KCNMA1: variants seen among roughly 807,000 people sequenced by gnomAD.
The protein encoded by KCNMA1 is Calcium-activated potassium channel subunit alpha-1.
A neutral mutation model predicts 140.0 loss-of-function variants in KCNMA1; 29 were observed. The observed-to-expected ratio is 0.21, with a 90% CI of 0.15 to 0.28. The LOEUF (loss-of-function observed/expected upper bound fraction) is 0.28. Among genes scored for constraint, KCNMA1 ranks in the 10% least tolerant of loss-of-function variants. The probability of loss-of-function intolerance (pLI) is 1.00; values close to 1 mark genes in which losing one functional copy is unlikely to be tolerated. For synonymous variants in KCNMA1, 612 were observed against 611.9 expected (o/e 1.00, Z 0.00); for missense variants, 880 against 1,602.2 (o/e 0.55, Z 7.70).
chr10:76,944,825 G>A lies in KCNMA1; in HGVS notation c.2850C>T (p.Ile950=). The change falls in exon 23 of 28, where the codon ATC becomes ATT. Residue 950 remains isoleucine, a synonymous_variant. Transcript: ENST00000286628. ...DKECILASLN[I]KSMQFDDSIG... ...TGCTGTCATCAAACTGCATAGATTT[G>A]ATGTTGAGTGACGCCAAGATGCATT... The A allele has an allele frequency of 6.2e-7, 1 of 1,614,158 alleles. No individual in the cohort carries two copies. The highest frequency in any genetic ancestry group is 8.5e-7 in the Non-Finnish European group (1 of 1,180,014).
At chr10:77,511,752 A>C (rs2048490703) in intron 1 of KCNMA1, among the ~76,000 whole-genome samples, 1 of 152,238 alleles carries the variant, frequency 6.6e-6, no homozygotes, top group Non-Finnish European at 1.5e-5. Context: ...ATGTGACTAT[A>C]CAGTCGTCCC....
At chr10:77,376,833 G>C (rs1373192045) in intron 2 of KCNMA1, among the ~76,000 whole-genome samples, 1 of 152,090 alleles carries the variant, frequency 6.6e-6, no homozygotes, top group Non-Finnish European at 1.5e-5. Flanking sequence ...AGCTACTCAG[G>C]AGGCTGAGGT....
chr10:77,400,073 G>A (rs2096211487), intron 2 of KCNMA1, among the ~76,000 whole-genome samples: 1 of 152,234 alleles, frequency 6.6e-6, no homozygotes, highest in Non-Finnish European at 1.5e-5. Context: ...CAGCTGTCTG[G>A]TCTTGCTTTG....
intron 1 of KCNMA1, among the ~76,000 whole-genome samples, chr10:77,445,161 C>A (rs1319544959): frequency 6.6e-6 from 1 of 152,064 alleles, no homozygotes; most frequent in Non-Finnish European, 1.5e-5. Context: ...CCCAGGGAAG[C>A]CACAGGAAAA....
intron 2 of KCNMA1, among the ~76,000 whole-genome samples, chr10:77,311,974 G>T (rs886330052): frequency 6.6e-6 from 1 of 152,222 alleles, no homozygotes; most frequent in Non-Finnish European, 1.5e-5. Context: ...TCATGGCACC[G>T]CACCCAGCCA....
At position 76,965,990 on chromosome 10, in the gene KCNMA1, A is replaced by G. The variant is rs551140159; in HGVS notation, c.2360+3984T>C. On this transcript the variant is annotated intron_variant, in intron 20 of 27. Transcript: ENST00000286628. ...GGAACCCCCAGCTTGTTCTTACCCAATTCTGTGTTTTTATGTGCTTGTCTT... is the reference window on the plus strand; with the variant it reads ...GGAACCCCCAGCTTGTTCTTACCCAGTTCTGTGTTTTTATGTGCTTGTCTT... Among the ~76,000 whole-genome samples, 4 of 152,254 alleles carry G rather than the reference A, an allele frequency of 2.6e-5. 1 individual carries two copies. The South Asian group carries it at 8.3e-4, about 32-fold the overall frequency.
chr10:77,107,777 C>T (rs890777075), intron 9 of KCNMA1, among the ~76,000 whole-genome samples: 7 of 152,154 alleles, frequency 4.6e-5, no homozygotes, highest in Non-Finnish European at 1.0e-4. Flanking sequence ...AGTAATGAGT[C>T]CCTTTGAGGA....
intron 2 of KCNMA1, among the ~76,000 whole-genome samples, chr10:77,387,555 CT>C (rs869309939): frequency 3.3e-5 from 3 of 90,668 alleles, no homozygotes; most frequent in Admixed American, 1.1e-4. Flanking sequence ...CTTTTCTTTT[CT>C]TTTTCTTTTC....
At chr10:77,435,814 G>A (rs1013056156) in intron 1 of KCNMA1, among the ~76,000 whole-genome samples, 2 of 152,132 alleles carry the variant, frequency 1.3e-5, no homozygotes, top group Non-Finnish European at 2.9e-5. Flanking sequence ...TATGGTCTTC[G>A]GGTTACAAAT....
chr10:77,508,340 A>ATTTTTTTTTTTTTTTTTTTTTT, intron 1 of KCNMA1, among the ~76,000 whole-genome samples: 1 of 131,654 alleles, frequency 7.6e-6, no homozygotes, highest in Non-Finnish European at 1.6e-5. Context: ...ATGCCTGGCT[A>ATTTTTTTTTTTTTTTTTTTTTT]TTTTTTTTTT....
chr10:77,145,945 G>A (rs2098280312), intron 5 of KCNMA1, among the ~76,000 whole-genome samples: 1 of 152,168 alleles, frequency 6.6e-6, no homozygotes, highest in East Asian at 1.9e-4. Flanking sequence ...CCTACCTCAT[G>A]GGGTTATTGT....
intron 5 of KCNMA1, among the ~76,000 whole-genome samples, chr10:77,143,711 A>G (rs1220554955): frequency 6.6e-6 from 1 of 152,188 alleles, no homozygotes; most frequent in Non-Finnish European, 1.5e-5. Flanking sequence ...CACAAAAGGC[A>G]CTCACATTTT....
At chr10:77,093,539 G>A (rs1309005508) in intron 9 of KCNMA1, among the ~76,000 whole-genome samples, 3 of 152,212 alleles carry the variant, frequency 2.0e-5, no homozygotes, top group African/African-American at 4.8e-5. Flanking sequence ...TCAGCAATCG[G>A]TATTAGGAGA....
intron 1 of KCNMA1, among the ~76,000 whole-genome samples, chr10:77,552,588 T>C (rs2063124467): frequency 6.6e-6 from 1 of 152,162 alleles, no homozygotes; most frequent in East Asian, 1.9e-4. Flanking sequence ...TGCTCCCCTT[T>C]GGACATTTGG....
Position 77,393,370 on chromosome 10 carries a change from C to T in KCNMA1, c.540+10492G>A, listed in dbSNP as rs537257673. On this transcript the variant is annotated intron_variant, in intron 2 of 27. Transcript: ENST00000286628. ...CCCATTTCCTCCATGACATGGTGACCGGGCTCACACACACAATAACAAAAA... is the reference window on the plus strand; with the variant it reads ...CCCATTTCCTCCATGACATGGTGACTGGGCTCACACACACAATAACAAAAA... Among the ~76,000 whole-genome samples, 14 of 152,332 alleles carry T rather than the reference C, an allele frequency of 9.2e-5. No individual in the cohort carries two copies. In the South Asian group the frequency reaches 1.7e-3, roughly 18 times the overall value.
chr10:77,526,571 A>G (rs1210452191), intron 1 of KCNMA1, among the ~76,000 whole-genome samples: 1 of 152,190 alleles, frequency 6.6e-6, no homozygotes, highest in Non-Finnish European at 1.5e-5. Context: ...TGGCCCGATC[A>G]TTCCTACAAG....
At chr10:77,457,421 C>T (rs2097778861) in intron 1 of KCNMA1, among the ~76,000 whole-genome samples, 1 of 152,110 alleles carries the variant, frequency 6.6e-6, no homozygotes, top group East Asian at 1.9e-4. Flanking sequence ...CTGCCCTCCC[C>T]AGAGTCCTTT....
At chr10:77,075,190 C>T (rs1465789716) in intron 13 of KCNMA1, among the ~76,000 whole-genome samples, 1 of 152,160 alleles carries the variant, frequency 6.6e-6, no homozygotes, top group Non-Finnish European at 1.5e-5. Context: ...ATCAAAGGAC[C>T]TTCCCCACAC....
chr10:76,969,071 G>C (rs935452831), intron 20 of KCNMA1, among the ~76,000 whole-genome samples: 15 of 152,142 alleles, frequency 9.9e-5, no homozygotes, highest in African/African-American at 3.1e-4. Flanking sequence ...TTGGGTGGTA[G>C]AGAGTCAGGA....
Sources: allele counts gnomAD v4.1 joint callset (sites outside exome capture counted in the v4.1 genomes callset), GRCh38; gene constraint gnomAD v4.1.1; transcripts MANE v1.5; gene names NCBI Gene and HGNC (gene_info 2026-07-23, HGNC 2026-07-21).